The following CDK19 variants were observed in gnomAD, a reference collection of about 807,000 sequenced individuals.
The protein encoded by CDK19 is cyclin-dependent kinase 19.
Under a neutral mutation model 68.3 loss-of-function variants are expected in CDK19, and 20 were observed. The ratio of observed to expected loss-of-function variants is 0.29; its 90% CI spans 0.21 to 0.43. CDK19 has a LOEUF of 0.43. Among genes scored for constraint, CDK19 ranks in the 20% least tolerant of loss-of-function variants. The pLI is 1.00. For missense variants in CDK19, 339 were observed against 623.5 expected (o/e 0.54, Z 4.86); for synonymous variants, 221 against 222.8 (o/e 0.99, Z 0.07).
chr6:110,610,650 A>G lies in CDK19; in HGVS notation c.*3885T>C, dbSNP rs1293716530. ...GACCTAAACTGCTATGTTTTATACA[A>G]AATATTACTTGTACTTGAATCCTTC... On this transcript the variant is annotated 3_prime_UTR_variant, in exon 13 of 13. Coordinates refer to ENST00000368911, the MANE Select transcript of CDK19 (RefSeq NM_015076.5). 6.6e-6 allele frequency: 1 copy of G among 152,132 alleles called. No individual in the cohort carries two copies. Among genetic ancestry groups the G allele is most frequent in the East Asian group, 1.9e-4 (1 of 5,194 alleles). 9.4% of individuals were successfully genotyped at this position (152,132 alleles called of 1,614,324 possible).
At position 110,815,197 on chromosome 6, in the gene CDK19, TCCTC is replaced by T; in HGVS notation, c.-65_-62del. On this transcript the variant is annotated 5_prime_UTR_variant, in exon 1 of 13. Coordinates refer to ENST00000368911, the MANE Select transcript of CDK19 (RefSeq NM_015076.5). The stretch of plus-strand genomic sequence containing the variant: ...GCCGCCGCCGCTCAGTCCCTCCTCC[TCCTC>T]CCCCCGCGACCGCCGCTCCACTTCT... 7.1e-7 allele frequency: 1 copy of T among 1,399,568 alleles called. No individual in the cohort carries two copies. The allele number at this position is 1,399,568 out of a possible 1,614,324, so 86.7% of individuals were successfully genotyped here.
intron 1 of CDK19, among the ~76,000 whole-genome samples, chr6:110,774,131 G>A (rs1386076983): frequency 1.3e-5 from 2 of 152,166 alleles, no homozygotes; most frequent in African/African-American, 4.8e-5. Flanking sequence ...GCAGCTTATT[G>A]TATGAAAAGA....
intron 1 of CDK19, among the ~76,000 whole-genome samples, chr6:110,770,777 G>A (rs1333340296): frequency 6.6e-6 from 1 of 152,134 alleles, no homozygotes; most frequent in Non-Finnish European, 1.5e-5. Flanking sequence ...AAGCAAGCTA[G>A]TCACTTCCTA....
intron 1 of CDK19, among the ~76,000 whole-genome samples, chr6:110,755,877 T>C (rs1247723483): frequency 6.6e-6 from 1 of 151,818 alleles, no homozygotes; most frequent in Non-Finnish European, 1.5e-5. Context: ...AATGTAGAAG[T>C]TTGAGGAGGG....
At chr6:110,737,474 G>A (rs1261438120) in intron 2 of CDK19, among the ~76,000 whole-genome samples, 2 of 152,062 alleles carry the variant, frequency 1.3e-5, no homozygotes, top group Non-Finnish European at 2.9e-5. Flanking sequence ...TCCAATAGGT[G>A]TATACATACA....
intron 4 of CDK19, among the ~76,000 whole-genome samples, chr6:110,650,514 A>G (rs561891729): frequency 7.6e-4 from 116 of 152,374 alleles, no homozygotes; most frequent in Middle Eastern, 3.4e-3. Context: ...AAGACAAAAA[A>G]TAAAGCAAGG....
intron 1 of CDK19, among the ~76,000 whole-genome samples, chr6:110,784,194 A>C (rs1426307362): frequency 6.6e-6 from 1 of 151,662 alleles, no homozygotes; most frequent in Non-Finnish European, 1.5e-5. Flanking sequence ...GAGAAAAAGA[A>C]AGTGAAAAGG....
chr6:110,729,375 T>C (rs1776577982), intron 2 of CDK19, among the ~76,000 whole-genome samples: 1 of 152,188 alleles, frequency 6.6e-6, no homozygotes, highest in Admixed American at 6.6e-5. Flanking sequence ...ACTTTTACAC[T>C]AAGATAAAGA....
chr6:110,743,112 C>T (rs1220118279), intron 2 of CDK19, among the ~76,000 whole-genome samples: 2 of 152,094 alleles, frequency 1.3e-5, no homozygotes, highest in African/African-American at 4.8e-5. Context: ...ATAGAAAGAA[C>T]ATACGTTGAA....
At chr6:110,791,883 C>A (rs1266592798) in intron 1 of CDK19, among the ~76,000 whole-genome samples, 2 of 152,010 alleles carry the variant, frequency 1.3e-5, no homozygotes, top group African/African-American at 4.8e-5. Flanking sequence ...TGGCCTCAAG[C>A]AATCCTCCCA....
chr6:110,784,510 T>C (rs1047428683), intron 1 of CDK19, among the ~76,000 whole-genome samples: 2 of 152,186 alleles, frequency 1.3e-5, no homozygotes, highest in African/African-American at 4.8e-5. Context: ...TGTAGAGAAC[T>C]GAAACCCTCA....
chr6:110,625,743 G>C (rs1779049276), intron 8 of CDK19, among the ~76,000 whole-genome samples: 1 of 152,084 alleles, frequency 6.6e-6, no homozygotes, highest in Non-Finnish European at 1.5e-5. Context: ...ATAGAACCTT[G>C]ATACCAGCAC....
At chr6:110,801,447 T>C (rs551122470) in intron 1 of CDK19, among the ~76,000 whole-genome samples, 2 of 152,068 alleles carry the variant, frequency 1.3e-5, no homozygotes, top group East Asian at 1.9e-4. Flanking sequence ...ATCATGCCAC[T>C]GCACTCCAGC....
intron 2 of CDK19, among the ~76,000 whole-genome samples, chr6:110,707,563 G>C (rs1364217613): frequency 6.6e-6 from 1 of 152,098 alleles, no homozygotes; most frequent in Non-Finnish European, 1.5e-5. Context: ...TTTGTAACCA[G>C]CCCTTTTTCA....
At chr6:110,659,904 A>T (rs1781513889) in intron 4 of CDK19, among the ~76,000 whole-genome samples, 2 of 152,202 alleles carry the variant, frequency 1.3e-5, no homozygotes, top group Non-Finnish European at 2.9e-5. Context: ...CACATGAAAA[A>T]ATTATATATG....
intron 4 of CDK19, among the ~76,000 whole-genome samples, chr6:110,661,468 G>A (rs1343264903): frequency 1.3e-5 from 2 of 150,172 alleles, no homozygotes; most frequent in Admixed American, 1.3e-4. Flanking sequence ...TAGAGATGGG[G>A]TCTCACTATG....
chr6:110,783,430 G>A (rs1232714178), intron 1 of CDK19, among the ~76,000 whole-genome samples: 1 of 152,076 alleles, frequency 6.6e-6, no homozygotes, highest in African/African-American at 2.4e-5. Flanking sequence ...TAGAGGTCAG[G>A]AGTTCGAGAC....
chr6:110,746,356 C>G (rs1778077560), intron 1 of CDK19, among the ~76,000 whole-genome samples, 155 bp from the exon 2 acceptor site: 3 of 152,110 alleles, frequency 2.0e-5, no homozygotes, highest in African/African-American at 7.2e-5. Context: ...AATATTTCAA[C>G]TACAGAAATA....
At chr6:110,671,007 G>A (rs114821758) in intron 2 of CDK19, among the ~76,000 whole-genome samples, 2,066 of 152,118 alleles carry the variant, frequency 0.014, 59 homozygotes, top group African/African-American at 0.047. Flanking sequence ...TCAAGAAACA[G>A]GCGACAAAAC....
Sources: allele counts gnomAD v4.1 joint callset (sites outside exome capture counted in the v4.1 genomes callset), GRCh38; gene constraint gnomAD v4.1.1; transcripts MANE v1.5; gene names NCBI Gene and HGNC (gene_info 2026-07-23, HGNC 2026-07-21).